WDR72: variants seen among roughly 807,000 people sequenced by gnomAD.
WDR72 encodes WD repeat-containing protein 72.
In WDR72, 120 loss-of-function variants were observed where a neutral mutation model predicts 124.2. The observed-to-expected ratio is 0.97, with a 90% CI of 0.83 to 1.12. The LOEUF (loss-of-function observed/expected upper bound fraction) is 1.12, where lower values mean the gene tolerates loss of function less well. WDR72 is among the 50% of genes most tolerant of loss of function. The probability of loss-of-function intolerance (pLI) is 0.00; values close to 1 mark genes in which losing one functional copy is unlikely to be tolerated. For synonymous variants in WDR72, 452 were observed against 441.7 expected (o/e 1.02, Z -0.29); for missense variants, 1,387 against 1,278.8 (o/e 1.08, Z -1.29).
chr15:53,708,204 C>T (rs1438464345), intron 9 of WDR72, among the ~76,000 whole-genome samples: 2 of 152,128 alleles, frequency 1.3e-5, no homozygotes, highest in Non-Finnish European at 2.9e-5. Context: ...TCTCCACCAC[C>T]CAGGAGGTAA....
chr15:53,553,050 A>T (rs1484525551), intron 18 of WDR72, among the ~76,000 whole-genome samples: 2 of 152,160 alleles, frequency 1.3e-5, no homozygotes, highest in Non-Finnish European at 2.9e-5. Flanking sequence ...AAAAGATAAA[A>T]ATTAAAAATA....
intron 18 of WDR72, among the ~76,000 whole-genome samples, chr15:53,529,678 C>T (rs1218130955): frequency 2.0e-5 from 3 of 151,936 alleles, no homozygotes; most frequent in Non-Finnish European, 4.4e-5. Flanking sequence ...GTATGTGTTC[C>T]TGTGGACTCA....
At chr15:53,550,521 C>G (rs746911627) in intron 18 of WDR72, among the ~76,000 whole-genome samples, 8 of 152,190 alleles carry the variant, frequency 5.3e-5, no homozygotes, top group Non-Finnish European at 1.0e-4. Flanking sequence ...ACATAAACAT[C>G]TCTCCATCCT....
At chr15:53,706,156 TTAA>T (rs1329091031) in intron 9 of WDR72, 82 bp from the exon 10 acceptor site, 2 of 1,387,924 alleles carry the variant, frequency 1.4e-6, no homozygotes, top group Non-Finnish European at 2.0e-6. Flanking sequence ...GAAACAAGAC[TTAA>T]TAACTGAATA....
Position 53,733,094 on chromosome 15 carries a change from C to T in WDR72, c.56G>A (p.Ser19Asn), listed in dbSNP as rs199562877. Residue 19 changes from serine (S) to asparagine (N), a missense_variant, in exon 2 of 20, where the codon AGC becomes AAC. Physicochemically the swap from Ser to Asn is conservative, Grantham distance 46. Coordinates refer to ENST00000360509, the MANE Select transcript of WDR72 (RefSeq NM_182758.4). ...ALWGQKAPPH[S>N]ITAIMITDDQ... Reference sequence around the variant, plus strand: ...ATCAGTGATCATGATGGCAGTGATGCTGTGGGGAGGGGCCTTCTGTCCCCA... The same window carrying T: ...ATCAGTGATCATGATGGCAGTGATGTTGTGGGGAGGGGCCTTCTGTCCCCA... The T allele has an allele frequency of 5.3e-5, 86 of 1,613,958 alleles. No homozygotes were observed. The African/African-American group carries it at 1.1e-3, about 21-fold the overall frequency.
chr15:53,597,291 T>A lies in WDR72; in HGVS notation c.2953-17A>T, dbSNP rs776295039. 1 of 1,611,988 alleles carries A rather than the reference T, an allele frequency of 6.2e-7. No individual in the cohort carries two copies. The highest frequency in any genetic ancestry group is 1.1e-5 in the South Asian group (1 of 90,726). On this transcript the variant is annotated splice_polypyrimidine_tract_variant and intron_variant, in intron 17 of 19. Coordinates refer to ENST00000360509, the MANE Select transcript of WDR72 (RefSeq NM_182758.4). ...TTCAGTTACCTGTAAGGTATTTTTT[T>A]AAGTGAATTATTTTTAGTATTATTA...
intron 14 of WDR72, among the ~76,000 whole-genome samples, chr15:53,663,091 AAAAT>A (rs200989036): frequency 4.1e-5 from 6 of 148,032 alleles, no homozygotes; most frequent in East Asian, 2.1e-4. Context: ...CCTGCCTCTA[AAAAT>A]AAATAAATAA....
intron 14 of WDR72, among the ~76,000 whole-genome samples, chr15:53,648,421 CA>C (rs2015117386): frequency 2.0e-5 from 3 of 152,102 alleles, no homozygotes; most frequent in African/African-American, 7.2e-5. Context: ...CTTTGCTTCC[CA>C]AACTATGACA....
chr15:53,749,375 G>C (rs897287345), intron 1 of WDR72, among the ~76,000 whole-genome samples: 2 of 151,814 alleles, frequency 1.3e-5, no homozygotes, highest in Non-Finnish European at 2.9e-5. Flanking sequence ...AATTGTTTTG[G>C]GGTGCCATAA....
At chr15:53,696,959 C>T (rs1044064397) in intron 13 of WDR72, among the ~76,000 whole-genome samples, 1 of 152,156 alleles carries the variant, frequency 6.6e-6, no homozygotes, top group Non-Finnish European at 1.5e-5. Context: ...AGTGAAGAGG[C>T]ACGTCACAAA....
intron 14 of WDR72, among the ~76,000 whole-genome samples, chr15:53,653,015 G>C (rs2015295230): frequency 7.5e-6 from 1 of 132,904 alleles, no homozygotes; most frequent in Admixed American, 7.4e-5. Flanking sequence ...ACTATTTTTT[G>C]CTAGGTCACT....
chr15:53,633,676 T>A (rs1215810164), intron 14 of WDR72, among the ~76,000 whole-genome samples: 1 of 152,226 alleles, frequency 6.6e-6, no homozygotes, highest in African/African-American at 2.4e-5. Context: ...TTGTACTGAT[T>A]TTAGCACAAG....
At chr15:53,540,492 G>A (rs1178848833) in intron 18 of WDR72, among the ~76,000 whole-genome samples, 2 of 136,940 alleles carry the variant, frequency 1.5e-5, no homozygotes, top group African/African-American at 5.4e-5. Flanking sequence ...GCTCAAAAGG[G>A]AAATTCAATA....
intron 1 of WDR72, among the ~76,000 whole-genome samples, chr15:53,759,132 C>T (rs1036338876): frequency 4.6e-5 from 7 of 152,104 alleles, no homozygotes; most frequent in Non-Finnish European, 8.8e-5. Context: ...CTTAGGCCCA[C>T]CCGGTCGTTT....
chr15:53,572,173 A>G lies in WDR72; in HGVS notation c.3148+24906T>C, dbSNP rs146209364. ...TTCTACCATTCTGTAGGTTGTCTTC[A>G]CTCTGTTGATTGTTTTCTTTTCTGT... On this transcript the variant is annotated intron_variant, in intron 18 of 19. Coordinates refer to ENST00000360509, the MANE Select transcript of WDR72 (RefSeq NM_182758.4). Among the ~76,000 whole-genome samples the G allele has an allele frequency of 5.5e-4, 84 of 152,034 alleles. 2 individuals are homozygous for G. In the East Asian group the frequency reaches 0.015, roughly 27 times the overall value.
intron 14 of WDR72, among the ~76,000 whole-genome samples, chr15:53,656,745 A>G (rs967261122): frequency 1.3e-5 from 2 of 152,180 alleles, no homozygotes; most frequent in African/African-American, 2.4e-5. Flanking sequence ...CATCCAGTGC[A>G]TTAGTCATTA....
At chr15:53,532,632 A>T (rs892559613) in intron 18 of WDR72, among the ~76,000 whole-genome samples, 2 of 152,048 alleles carry the variant, frequency 1.3e-5, no homozygotes, top group Non-Finnish European at 2.9e-5. Context: ...ATGGTAACTA[A>T]AAGAAGGTTA....
At chr15:53,759,254 C>T (rs894927226) in intron 1 of WDR72, 4 of 152,084 alleles carry the variant, frequency 2.6e-5, no homozygotes, top group African/African-American at 9.7e-5. Context: ...AAGTCCAATT[C>T]CCAAGTTCCA....
At chr15:53,582,667 G>A (rs1308336062) in intron 18 of WDR72, among the ~76,000 whole-genome samples, 1 of 151,850 alleles carries the variant, frequency 6.6e-6, no homozygotes, top group Non-Finnish European at 1.5e-5. Flanking sequence ...CATTTTAACT[G>A]CTAAATATAA....
Sources: gnomAD v4.1 joint callset for allele counts (sites outside exome capture counted in the v4.1 genomes callset) on GRCh38, gnomAD v4.1.1 for gene constraint, MANE v1.5 for transcripts, NCBI Gene and HGNC (gene_info 2026-07-23, HGNC 2026-07-21) for gene names.